HDAC9: variants seen among roughly 807,000 people sequenced by gnomAD.
HDAC9 encodes the protein MEF-2 interacting transcription repressor (MITR) protein.
A neutral mutation model predicts 139.4 loss-of-function variants in HDAC9; 41 were observed. The observed-to-expected ratio is 0.29, with a 90% CI of 0.23 to 0.38. The LOEUF (loss-of-function observed/expected upper bound fraction) is 0.38. Ranked by LOEUF, HDAC9 falls within the 10% of genes least tolerant of loss-of-function variation. The pLI, the probability that HDAC9 is intolerant of heterozygous loss-of-function variation, is 1.00. For synonymous variants in HDAC9, 517 were observed against 476.2 expected (o/e 1.09, Z -1.12); for missense variants, 1,147 against 1,297.0 (o/e 0.88, Z 1.78).
At chr7:18,958,333 T>C (rs993888960) in intron 24 of HDAC9, among the ~76,000 whole-genome samples, 1 of 152,154 alleles carries the variant, frequency 6.6e-6, no homozygotes, top group African/African-American at 2.4e-5. Context: ...AAAAGAGAAC[T>C]ACCATATGAT....
chr7:18,650,038 C>A (rs778193323), intron 11 of HDAC9, among the ~76,000 whole-genome samples: 1 of 152,078 alleles, frequency 6.6e-6, no homozygotes, highest in Non-Finnish European at 1.5e-5. Context: ...TATTTTATAT[C>A]AAATCAGTAT....
chr7:18,824,078 G>GAAGAAGAAGAAGAAA (rs1795217807), intron 17 of HDAC9, among the ~76,000 whole-genome samples: 4 of 150,788 alleles, frequency 2.7e-5, no homozygotes, highest in Admixed American at 2.0e-4. Flanking sequence ...AGAAGAAGAA[G>GAAGAAGAAGAAGAAA]AAGAAGAAGA....
At position 18,829,456 on chromosome 7, in the gene HDAC9, C is replaced by T. The variant is rs188666461; in HGVS notation, c.2379-5C>T. 1.5e-3 allele frequency: 2,330 copies of T among 1,599,612 alleles called. 4 individuals are homozygous for T. Among genetic ancestry groups the T allele is most frequent in the Non-Finnish European group, 1.8e-3 (2,050 of 1,167,588 alleles). ...CTTATTTCTCTGTTCTTCTCTATTC[C>T]GCAGGGGGTTCTGCTTTTTTAATTC... is the stretch of plus-strand genomic sequence containing the variant. On this transcript the variant is annotated splice_region_variant and splice_polypyrimidine_tract_variant and intron_variant, in intron 18 of 25. Transcript: ENST00000686413.
intron 21 of HDAC9, among the ~76,000 whole-genome samples, chr7:18,836,907 A>G (rs577642831): frequency 9.2e-5 from 14 of 152,152 alleles, no homozygotes; most frequent in African/African-American, 3.4e-4. Flanking sequence ...ATGTGTTCAT[A>G]GTTTTGAAAT....
intron 13 of HDAC9, among the ~76,000 whole-genome samples, chr7:18,736,008 A>G (rs1255450831): frequency 1.3e-5 from 2 of 152,136 alleles, no homozygotes; most frequent in African/African-American, 4.8e-5. Flanking sequence ...TGTGAATGGG[A>G]GTTCACTCAC....
At chr7:18,990,886 T>C (rs552477209) in intron 25 of HDAC9, among the ~76,000 whole-genome samples, 1 of 152,346 alleles carries the variant, frequency 6.6e-6, no homozygotes, top group East Asian at 1.9e-4. Context: ...TGAGGCAATG[T>C]CTCGCCCTGC....
chr7:18,907,429 G>A (rs1297336789), intron 22 of HDAC9, among the ~76,000 whole-genome samples: 1 of 152,138 alleles, frequency 6.6e-6, no homozygotes, highest in African/African-American at 2.4e-5. Context: ...TTAAAGAGGG[G>A]CACATTATAA....
rs1356981975 is a variant in HDAC9, at chr7:18,260,311, G to GTT, written c.25+97972_25+97973dup. On this transcript the variant is annotated intron_variant, in intron 2 of 12. Transcript: ENST00000417496. ...AATTCTGTGACAGACACTTTTTTTT[G>GTT]TTTTTTTTTTTGTTTTTTTTTTTTT... Among the ~76,000 whole-genome samples, 262 of 54,982 alleles carry GTT rather than the reference G, an allele frequency of 4.8e-3. 3 individuals are homozygous for GTT. Among genetic ancestry groups the GTT allele is most frequent in the African/African-American group, 0.01 (249 of 24,636 alleles). 36.1% of individuals were successfully genotyped at this position (54,982 alleles called of 152,430 possible).
At chr7:18,914,298 G>A (rs1332363848) in intron 22 of HDAC9, among the ~76,000 whole-genome samples, 1 of 151,576 alleles carries the variant, frequency 6.6e-6, no homozygotes, top group African/African-American at 2.4e-5. Flanking sequence ...CCAGTTTATG[G>A]TATTTTGTTA....
intron 2 of HDAC9, among the ~76,000 whole-genome samples, chr7:18,257,401 C>CACACACA (rs1795338037): frequency 1.5e-4 from 19 of 130,950 alleles, no homozygotes; most frequent in African/African-American, 5.5e-4. Flanking sequence ...TCTGTCTCTC[C>CACACACA]CACACACACA....
At chr7:18,529,004 C>T (rs3757718) in intron 2 of HDAC9, among the ~76,000 whole-genome samples, 33,104 of 151,946 alleles carry the variant, frequency 0.22, 4,372 homozygotes, top group South Asian at 0.3. Context: ...TGCTTGATGT[C>T]TTTATCCTTC....
chr7:18,280,807 A>T (rs1055296127), intron 2 of HDAC9, among the ~76,000 whole-genome samples: 12 of 152,068 alleles, frequency 7.9e-5, no homozygotes, highest in African/African-American at 2.4e-4. Flanking sequence ...TTTGGATAAT[A>T]AAATAACTTA....
At position 18,920,566 on chromosome 7, in the gene HDAC9, TGTGCCAG is replaced by T. The variant is rs570169668; in HGVS notation, c.2804-15242_2804-15236del. On this transcript the variant is annotated intron_variant, in intron 22 of 25. Coordinates refer to ENST00000686413, the MANE Select transcript of HDAC9 (RefSeq NM_178425.4). The stretch of plus-strand genomic sequence containing the variant: ...GTGGTGAGAGAGGGCATCCCTGTCT[TGTGCCAG>T]TTTTCAAAGGGAATGCTTCCAGTTT... 6.0e-4 allele frequency among the ~76,000 whole-genome samples: 91 copies of T among 152,270 alleles called. 1 individual carries two copies. Among genetic ancestry groups the T allele is most frequent in the African/African-American group, 2.1e-3 (86 of 41,582 alleles).
intron 21 of HDAC9, among the ~76,000 whole-genome samples, chr7:18,859,811 CATATATATATAT>C (rs56249427): frequency 0.031 from 1,402 of 44,834 alleles, 51 homozygotes; most frequent in African/African-American, 0.052. Context: ...CTAACGCTCT[CATATATATATAT>C]ATATATATAT....
intron 3 of HDAC9, among the ~76,000 whole-genome samples, chr7:18,588,484 A>G (rs1396176972): frequency 6.6e-5 from 10 of 152,166 alleles, no homozygotes; most frequent in Non-Finnish European, 8.8e-5. Context: ...CCTTATACAC[A>G]TAGCCTGAAG....
At chr7:18,373,954 TG>T (rs1256540295) in intron 1 of HDAC9, among the ~76,000 whole-genome samples, 1 of 151,976 alleles carries the variant, frequency 6.6e-6, no homozygotes, top group Non-Finnish European at 1.5e-5. Flanking sequence ...CTAAAAATAA[TG>T]GGGGAGATAT....
At chr7:18,478,366 G>A (rs1000969352) in intron 1 of HDAC9, among the ~76,000 whole-genome samples, 1 of 152,132 alleles carries the variant, frequency 6.6e-6, no homozygotes, top group Non-Finnish European at 1.5e-5. Context: ...CCGCCACGCC[G>A]GGCCAAAATA....
In HDAC9 at chr7:18,833,799, A is replaced by G. The variant is rs572775895; in HGVS notation, c.2467-1668A>G. Among the ~76,000 whole-genome samples, 238 of 152,320 alleles carry G rather than the reference A, an allele frequency of 1.6e-3. 1 individual carries two copies. Among genetic ancestry groups the G allele is most frequent in the African/African-American group, 5.5e-3 (228 of 41,574 alleles). The stretch of plus-strand genomic sequence containing the variant: ...AAGGGAAAAGGATTATTGTATGTCT[A>G]CACCGTGGATGGCAAGATCAATGCA... On this transcript the variant is annotated intron_variant, in intron 19 of 25. Transcript: ENST00000686413.
chr7:18,485,604 AT>A (rs1795916980), intron 1 of HDAC9, among the ~76,000 whole-genome samples: 1 of 151,772 alleles, frequency 6.6e-6, no homozygotes, highest in Non-Finnish European at 1.5e-5. Flanking sequence ...TCCTTCAATC[AT>A]TTAGTTCTAA....
Sources: gnomAD v4.1 joint callset for allele counts (sites outside exome capture counted in the v4.1 genomes callset) on GRCh38, gnomAD v4.1.1 for gene constraint, MANE v1.5 for transcripts, NCBI Gene and HGNC (gene_info 2026-07-23, HGNC 2026-07-21) for gene names.